NRXN3: variants seen among roughly 807,000 people sequenced by gnomAD.
The protein encoded by NRXN3 is neurexin III.
A neutral mutation model predicts 137.6 loss-of-function variants in NRXN3; 32 were observed. That is an observed-to-expected ratio of 0.23 (90% CI 0.18 to 0.31). The LOEUF (loss-of-function observed/expected upper bound fraction) is 0.31, where lower values mean the gene tolerates loss of function less well. Ranked by LOEUF, NRXN3 falls within the 10% of genes least tolerant of loss-of-function variation. The pLI is 1.00. For missense variants in NRXN3, 1,574 were observed against 2,062.5 expected (o/e 0.76, Z 4.59); for synonymous variants, 798 against 784.5 (o/e 1.02, Z -0.29).
intron 15 of NRXN3, among the ~76,000 whole-genome samples, chr14:79,314,842 G>C (rs1598606013): frequency 6.7e-6 from 1 of 150,012 alleles, no homozygotes; most frequent in Non-Finnish European, 1.5e-5. Flanking sequence ...CAACAGACCT[G>C]CAGCTGAGGG....
intron 20 of NRXN3, among the ~76,000 whole-genome samples, chr14:79,845,266 G>T (rs1305352457): frequency 6.6e-6 from 1 of 151,892 alleles, no homozygotes; most frequent in South Asian, 2.1e-4. Flanking sequence ...TTATCATTCG[G>T]GTATTTACTG....
intron 4 of NRXN3, among the ~76,000 whole-genome samples, chr14:78,438,328 T>C (rs149035754): frequency 1.3e-5 from 2 of 152,194 alleles, no homozygotes; most frequent in Non-Finnish European, 2.9e-5. Context: ...AAGAGGAATA[T>C]ATAGCAAAAA....
intron 15 of NRXN3, among the ~76,000 whole-genome samples, chr14:79,034,971 CATGTGGAGTAAGATTATCGAAGCA>C (rs2099613746): frequency 6.6e-6 from 1 of 152,004 alleles, no homozygotes; most frequent in Non-Finnish European, 1.5e-5. Context: ...TTACTGATGC[CATGTGGAGTAAGATTATCGAAGCA>C]TCTTACATTT....
chr14:78,815,974 A>T (rs2098931665), intron 10 of NRXN3, among the ~76,000 whole-genome samples: 1 of 152,296 alleles, frequency 6.6e-6, no homozygotes, highest in African/African-American at 2.4e-5. Context: ...TCTCTGTCAA[A>T]CTATAAGCAA....
intron 10 of NRXN3, among the ~76,000 whole-genome samples, chr14:78,938,466 A>G (rs568544787): frequency 1.3e-5 from 2 of 152,262 alleles, no homozygotes; most frequent in East Asian, 3.9e-4. Context: ...TTATGTTGTG[A>G]TCATGGTGGG....
At chr14:79,144,072 C>T (rs752282861) in intron 15 of NRXN3, among the ~76,000 whole-genome samples, 9 of 152,196 alleles carry the variant, frequency 5.9e-5, no homozygotes, top group Non-Finnish European at 1.0e-4. Context: ...AAGGCACTTA[C>T]GTTGTGGGAC....
At chr14:78,555,864 G>T (rs2096732519) in intron 4 of NRXN3, among the ~76,000 whole-genome samples, 1 of 152,148 alleles carries the variant, frequency 6.6e-6, no homozygotes, top group South Asian at 2.1e-4. Context: ...AAACAGAAGA[G>T]GTTAAGTTAC....
chr14:79,033,716 A>G (rs572487228), intron 15 of NRXN3, among the ~76,000 whole-genome samples: 3 of 152,272 alleles, frequency 2.0e-5, no homozygotes, highest in Non-Finnish European at 4.4e-5. Context: ...GAGCTATAAT[A>G]AGAAACACAG....
chr14:79,747,775 T>C (rs1295961517), intron 19 of NRXN3, among the ~76,000 whole-genome samples: 4 of 152,100 alleles, frequency 2.6e-5, no homozygotes, highest in Admixed American at 2.0e-4. Context: ...AAGTCACTGA[T>C]TGTATACTTA....
chr14:79,770,046 A>G (rs2099071641), intron 19 of NRXN3, among the ~76,000 whole-genome samples: 1 of 151,962 alleles, frequency 6.6e-6, no homozygotes, highest in African/African-American at 2.4e-5. Flanking sequence ...CATAATGGTA[A>G]AGGGATCAAT....
chr14:78,793,631 T>G (rs906495259), intron 8 of NRXN3, among the ~76,000 whole-genome samples: 2 of 152,144 alleles, frequency 1.3e-5, no homozygotes, highest in Non-Finnish European at 2.9e-5. Context: ...ACACATGAAG[T>G]GTTGTCAACC....
intron 19 of NRXN3, among the ~76,000 whole-genome samples, chr14:79,722,494 C>T (rs2098848122): frequency 6.6e-6 from 1 of 152,074 alleles, no homozygotes. Context: ...TTCTTTTGTA[C>T]CTTGTACAAA....
intron 16 of NRXN3, among the ~76,000 whole-genome samples, chr14:79,598,512 G>A (rs553111477): frequency 6.6e-6 from 1 of 152,282 alleles, no homozygotes; most frequent in African/African-American, 2.4e-5. Context: ...GCTCATCAGG[G>A]ATCCTGAGGG....
At chr14:79,368,006 C>T (rs1027951738) in intron 15 of NRXN3, among the ~76,000 whole-genome samples, 7 of 152,206 alleles carry the variant, frequency 4.6e-5, no homozygotes, top group African/African-American at 1.2e-4. Flanking sequence ...GGTTCCTGAA[C>T]GTTTTCATCT....
chr14:79,611,187 C>T (rs2098094244), intron 16 of NRXN3, among the ~76,000 whole-genome samples: 1 of 152,100 alleles, frequency 6.6e-6, no homozygotes. Context: ...GGCTTTAGGG[C>T]TCAGTTGCTA....
intron 2 of NRXN3, among the ~76,000 whole-genome samples, chr14:78,273,300 G>A (rs2073075225): frequency 6.6e-6 from 1 of 152,202 alleles, no homozygotes; most frequent in Non-Finnish European, 1.5e-5. Flanking sequence ...TTCCTTATCT[G>A]TAAAATGAGT....
intron 3 of NRXN3, among the ~76,000 whole-genome samples, chr14:78,292,234 C>T (rs77073124): frequency 0.01 from 1,579 of 152,294 alleles, 26 homozygotes; most frequent in African/African-American, 0.032. Flanking sequence ...TCCATTTTCC[C>T]GAGCTGCAAA....
intron 10 of NRXN3, among the ~76,000 whole-genome samples, chr14:78,878,954 AT>A (rs1288783754): frequency 1.3e-5 from 2 of 151,854 alleles, no homozygotes; most frequent in African/African-American, 4.8e-5. Context: ...GTCGTGCAGT[AT>A]TTGTCTTCCT....
intron 10 of NRXN3, among the ~76,000 whole-genome samples, chr14:78,885,674 G>C (rs2099141619): frequency 6.6e-6 from 1 of 151,978 alleles, no homozygotes; most frequent in African/African-American, 2.4e-5. Context: ...TAATCCAAAA[G>C]CAAAGAATCT....
Sources: allele counts gnomAD v4.1 joint callset (sites outside exome capture counted in the v4.1 genomes callset), GRCh38; gene constraint gnomAD v4.1.1; transcripts MANE v1.5; gene names NCBI Gene and HGNC (gene_info 2026-07-23, HGNC 2026-07-21).